The following POFUT3 variants were observed in gnomAD, a reference collection of about 807,000 sequenced individuals.
The protein encoded by POFUT3 is protein O-fucosyltransferase 3.
chr8:33,392,658 C>T, the POFUT3 span, among the ~76,000 whole-genome samples: 49,870 of 151,764 alleles, frequency 0.33, 10,139 homozygotes, highest in East Asian at 0.56. Context: ...GAGCTTCAGA[C>T]GGTAAGTGCT....
chr8:33,427,615 C>T, the POFUT3 span, among the ~76,000 whole-genome samples: 4 of 151,908 alleles, frequency 2.6e-5, no homozygotes, highest in African/African-American at 9.7e-5. Context: ...AATTATCTTG[C>T]TATAACCAGT....
At chr8:33,315,397 T>C in the POFUT3 span, among the ~76,000 whole-genome samples, 1 of 152,148 alleles carries the variant, frequency 6.6e-6, no homozygotes, top group Non-Finnish European at 1.5e-5. Flanking sequence ...ATGATTTCTA[T>C]GGGTGATTAA....
the POFUT3 span, among the ~76,000 whole-genome samples, chr8:33,382,572 A>C: frequency 1.3e-5 from 2 of 152,184 alleles, no homozygotes; most frequent in Non-Finnish European, 2.9e-5. Flanking sequence ...CAGCTTGCAC[A>C]AGATGCTGCA....
At chr8:33,401,755 C>A in the POFUT3 span, among the ~76,000 whole-genome samples, 1 of 152,014 alleles carries the variant, frequency 6.6e-6, no homozygotes, top group Non-Finnish European at 1.5e-5. Context: ...TAAGGCCAGG[C>A]ACGGTGGCTC....
the POFUT3 span, among the ~76,000 whole-genome samples, chr8:33,406,174 C>T: frequency 1.3e-5 from 2 of 151,656 alleles, no homozygotes; most frequent in African/African-American, 2.4e-5. Context: ...TTAGTTATAG[C>T]CATACTATAG....
At chr8:33,389,037 G>A in the POFUT3 span, 2 of 1,614,008 alleles carry the variant, frequency 1.2e-6, no homozygotes, top group African/African-American at 1.3e-5. Context: ...TAATTGTCCT[G>A]GTTGACGTCT....
chr8:33,467,832 C>A, the POFUT3 span, among the ~76,000 whole-genome samples: 17 of 152,258 alleles, frequency 1.1e-4, 1 homozygote, highest in East Asian at 3.3e-3. Context: ...GCCATTCAGG[C>A]CAGTTGAAGG....
chr8:33,384,328 T>C, the POFUT3 span, among the ~76,000 whole-genome samples: 4 of 152,224 alleles, frequency 2.6e-5, no homozygotes, highest in African/African-American at 7.2e-5. Context: ...CAATGATCAA[T>C]GCTAAAGCTT....
At chr8:33,357,544 A>G in the POFUT3 span, among the ~76,000 whole-genome samples, 6 of 151,230 alleles carry the variant, frequency 4.0e-5, no homozygotes, top group East Asian at 1.9e-4. Flanking sequence ...ATATGTGTGT[A>G]TATATATATA....
the POFUT3 span, chr8:33,372,262 C>T: frequency 2.8e-6 from 3 of 1,070,982 alleles, no homozygotes; most frequent in African/African-American, 3.4e-5. Context: ...TCGTCTCCCT[C>T]CATTGCACAA....
the POFUT3 span, among the ~76,000 whole-genome samples, chr8:33,399,873 C>T: frequency 6.6e-6 from 1 of 151,712 alleles, no homozygotes; most frequent in African/African-American, 2.4e-5. Flanking sequence ...AGGCTGGTCT[C>T]GAACTCCTGA....
chr8:33,399,678 G>A, the POFUT3 span, among the ~76,000 whole-genome samples: 4 of 150,288 alleles, frequency 2.7e-5, no homozygotes, highest in Non-Finnish European at 4.4e-5. Context: ...TTTTTGAGAT[G>A]GAGTCTCACT....
At chr8:33,411,797 AT>A in the POFUT3 span, among the ~76,000 whole-genome samples, 2 of 152,210 alleles carry the variant, frequency 1.3e-5, no homozygotes, top group Non-Finnish European at 2.9e-5. Context: ...TCAAAAAAAA[AT>A]AAAAATAAAA....
At chr8:33,389,892 G>A in the POFUT3 span, 2 of 863,234 alleles carry the variant, frequency 2.3e-6, no homozygotes, top group African/African-American at 3.4e-5. Flanking sequence ...AGGAGTCTGA[G>A]GCTATGAATA....
the POFUT3 span, among the ~76,000 whole-genome samples, chr8:33,427,873 T>C: frequency 6.6e-6 from 1 of 152,156 alleles, no homozygotes; most frequent in Non-Finnish European, 1.5e-5. Flanking sequence ...ACACCTGTAA[T>C]CCCAGCACTT....
the POFUT3 span, among the ~76,000 whole-genome samples, chr8:33,407,075 C>T: frequency 2.6e-5 from 4 of 152,128 alleles, no homozygotes; most frequent in African/African-American, 9.6e-5. Context: ...GAAATACTGC[C>T]CTTGGAATCC....
chr8:33,467,956 G>A, the POFUT3 span, among the ~76,000 whole-genome samples: 1 of 152,102 alleles, frequency 6.6e-6, no homozygotes, highest in Non-Finnish European at 1.5e-5. Flanking sequence ...GGTAGTTTGT[G>A]AGGCTGGGTG....
At chr8:33,379,517 C>A in the POFUT3 span, among the ~76,000 whole-genome samples, 1 of 152,002 alleles carries the variant, frequency 6.6e-6, no homozygotes, top group Admixed American at 6.6e-5. Context: ...CAGGCAGGAA[C>A]TTTAAACTAC....
the POFUT3 span, among the ~76,000 whole-genome samples, chr8:33,354,899 A>G: frequency 6.6e-6 from 1 of 152,200 alleles, no homozygotes; most frequent in Non-Finnish European, 1.5e-5. Context: ...CTTTATGGTC[A>G]TTTCCCATAA....
Sources: allele counts gnomAD v4.1 joint callset (sites outside exome capture counted in the v4.1 genomes callset), GRCh38; gene constraint gnomAD v4.1.1; transcripts MANE v1.5; gene names NCBI Gene and HGNC (gene_info 2026-07-23, HGNC 2026-07-21).